The following FOXP2 variants were observed in gnomAD, a reference collection of about 807,000 sequenced individuals.
FOXP2 encodes forkhead box protein P2.
A neutral mutation model predicts 115.8 loss-of-function variants in FOXP2; 12 were observed. The observed-to-expected ratio is 0.10, with a 90% confidence interval of 0.07 to 0.17. The LOEUF is 0.17. Ranked by LOEUF, FOXP2 falls within the 10% of genes least tolerant of loss-of-function variation. FOXP2 has a pLI of 1.00. For synonymous variants in FOXP2, 328 were observed against 297.7 expected (o/e 1.10, Z -1.05); for missense variants, 629 against 843.5 (o/e 0.75, Z 3.15).
intron 2 of FOXP2, among the ~76,000 whole-genome samples, chr7:114,393,375 G>A (rs936544109): frequency 9.2e-5 from 14 of 151,950 alleles, no homozygotes; most frequent in African/African-American, 2.9e-4. Flanking sequence ...CCAGCAGTGT[G>A]ATGGAGCTAC....
chr7:114,481,225 T>G (rs1796521871), intron 2 of FOXP2, among the ~76,000 whole-genome samples: 1 of 151,320 alleles, frequency 6.6e-6, no homozygotes, highest in Admixed American at 6.6e-5. Flanking sequence ...ATAAGCTTCT[T>G]ACTTGCCCTC....
chr7:114,220,956 T>C (rs1453887045), intron 1 of FOXP2, among the ~76,000 whole-genome samples: 1 of 152,184 alleles, frequency 6.6e-6, no homozygotes, highest in Admixed American at 6.5e-5. Context: ...TTTGTTCTTA[T>C]AGTTGTGGGA....
chr7:114,541,275 A>G (rs1396129716), intron 3 of FOXP2, among the ~76,000 whole-genome samples: 1 of 152,050 alleles, frequency 6.6e-6, no homozygotes, highest in Non-Finnish European at 1.5e-5. Flanking sequence ...ATGGTAGTAG[A>G]GGAGATTTCT....
chr7:114,369,545 G>A (rs1052174392), intron 2 of FOXP2, among the ~76,000 whole-genome samples: 31 of 150,462 alleles, frequency 2.1e-4, no homozygotes, highest in Non-Finnish European at 3.6e-4. Flanking sequence ...AAAAAAAAAA[G>A]GATATGAAGT....
chr7:114,300,355 T>C (rs1242488346), intron 2 of FOXP2, among the ~76,000 whole-genome samples: 1 of 152,068 alleles, frequency 6.6e-6, no homozygotes, highest in African/African-American at 2.4e-5. Context: ...ACATATTTTG[T>C]CCTTAAAATA....
intron 1 of FOXP2, among the ~76,000 whole-genome samples, chr7:114,100,226 A>C (rs1799747675): frequency 1.3e-5 from 2 of 152,030 alleles, no homozygotes. Flanking sequence ...ACATCTGAAA[A>C]ATTTTCATTT....
chr7:114,398,795 A>C (rs1792805963), intron 2 of FOXP2, among the ~76,000 whole-genome samples: 1 of 152,220 alleles, frequency 6.6e-6, no homozygotes, highest in Admixed American at 6.5e-5. Context: ...CTCTCTCAGC[A>C]ACAAGTTTTC....
chr7:114,284,110 C>G (rs995092920), intron 1 of FOXP2, among the ~76,000 whole-genome samples: 8 of 152,038 alleles, frequency 5.3e-5, no homozygotes, highest in Non-Finnish European at 1.2e-4. Context: ...CCACAGCATA[C>G]CTCAACAAAT....
At chr7:114,280,096 A>G (rs1054948418) in intron 1 of FOXP2, among the ~76,000 whole-genome samples, 10 of 151,116 alleles carry the variant, frequency 6.6e-5, no homozygotes, top group Admixed American at 5.3e-4. Flanking sequence ...AAATAAATAA[A>G]TAAATAAATA....
intron 16 of FOXP2, among the ~76,000 whole-genome samples, chr7:114,678,389 A>G (rs1344655258): frequency 6.6e-6 from 1 of 152,094 alleles, no homozygotes; most frequent in Non-Finnish European, 1.5e-5. Context: ...CGTGTCTTAT[A>G]GCTCATTAAT....
At chr7:114,313,368 A>C (rs552701433) in intron 2 of FOXP2, among the ~76,000 whole-genome samples, 1 of 152,340 alleles carries the variant, frequency 6.6e-6, no homozygotes, top group African/African-American at 2.4e-5. Context: ...CAGTCTCTAA[A>C]ATGGAGAATT....
In FOXP2 at chr7:114,359,111, T is replaced by G. The variant is rs80274544; in HGVS notation, c.-10-67391T>G. ...GGTTTTGTGGGCCAGGCCTTGCTGC[T>G]TTTTGGAGTCTGGGGACTTGGTGAC... is the stretch of plus-strand genomic sequence containing the variant. On this transcript the variant is annotated intron_variant, in intron 2 of 17. Coordinates refer to the FOXP2 transcript ENST00000634411. 1.5e-3 allele frequency among the ~76,000 whole-genome samples: 222 copies of G among 152,194 alleles called. 1 individual carries two copies. The highest frequency in any genetic ancestry group is 4.9e-3 in the African/African-American group (204 of 41,546).
intron 1 of FOXP2, among the ~76,000 whole-genome samples, chr7:114,245,051 C>T (rs1255921811): frequency 2.6e-5 from 4 of 152,308 alleles, no homozygotes; most frequent in African/African-American, 9.6e-5. Flanking sequence ...CGCGAGCCAC[C>T]GCGCCCGGCC....
intron 1 of FOXP2, among the ~76,000 whole-genome samples, chr7:114,215,745 C>T (rs935615893): frequency 7.3e-5 from 11 of 151,512 alleles, no homozygotes; most frequent in Non-Finnish European, 1.6e-4. Context: ...TGAATGAATA[C>T]GAATAGACGG....
chr7:114,142,014 G>A (rs1472112318), intron 1 of FOXP2, among the ~76,000 whole-genome samples: 1 of 150,754 alleles, frequency 6.6e-6, no homozygotes, highest in African/African-American at 2.4e-5. Flanking sequence ...TTTTAGAAAT[G>A]TTTTAAAGAA....
chr7:114,141,312 G>A (rs1260042431), intron 1 of FOXP2, among the ~76,000 whole-genome samples: 1 of 152,106 alleles, frequency 6.6e-6, no homozygotes, highest in Non-Finnish European at 1.5e-5. Flanking sequence ...CATTAATTGT[G>A]GAAATCTGTG....
At chr7:114,225,670 C>T (rs1227677245) in intron 1 of FOXP2, among the ~76,000 whole-genome samples, 1 of 151,900 alleles carries the variant, frequency 6.6e-6, no homozygotes, top group Non-Finnish European at 1.5e-5. Context: ...TCAGGCTGGT[C>T]TCAAACTCCT....
intron 10 of FOXP2, among the ~76,000 whole-genome samples, chr7:114,657,769 A>C (rs2129340174): frequency 6.6e-6 from 1 of 152,314 alleles, no homozygotes; most frequent in Middle Eastern, 3.4e-3. Flanking sequence ...GCAGTCGATA[A>C]TCAGCAACTG....
rs141832660 is a variant in FOXP2, at chr7:114,376,606, G to T, written c.-10-49896G>T. Among the ~76,000 whole-genome samples, 559 of 152,292 alleles carry T rather than the reference G, an allele frequency of 3.7e-3. 2 individuals are homozygous for T. The highest frequency in any genetic ancestry group is 0.016 in the South Asian group (75 of 4,828). On this transcript the variant is annotated intron_variant, in intron 2 of 17. Transcript: ENST00000634411. ...AGCTAAACCTTTCCTGAGAGAGGTAGACTTCTAAATATATAGCAGCATAAG... is the reference window on the plus strand; with the variant it reads ...AGCTAAACCTTTCCTGAGAGAGGTATACTTCTAAATATATAGCAGCATAAG...
Sources: gnomAD v4.1 joint callset for allele counts (sites outside exome capture counted in the v4.1 genomes callset) on GRCh38, gnomAD v4.1.1 for gene constraint, MANE v1.5 for transcripts, NCBI Gene and HGNC (gene_info 2026-07-23, HGNC 2026-07-21) for gene names.